Variants in OPN3 observed in about 807,000 individuals in gnomAD.
OPN3 encodes the protein opsin-3.
OPN3 carries 29 observed loss-of-function variants against 33.8 expected under a neutral mutation model. The observed-to-expected ratio is 0.86, with a 90% CI of 0.64 to 1.17. The LOEUF (loss-of-function observed/expected upper bound fraction) is 1.17, where lower values mean the gene tolerates loss of function less well. Among genes scored for constraint, OPN3 ranks in the 50% most tolerant of loss-of-function variants. OPN3 has a pLI of 0.00. For missense variants in OPN3, 437 were observed against 514.1 expected (o/e 0.85, Z 1.45); for synonymous variants, 216 against 216.1 (o/e 1.00, Z 0.00).
chr1:241,600,646 ACCT>A (rs904030923), intron 2 of OPN3: 8 of 152,250 alleles, frequency 5.3e-5, no homozygotes, highest in Middle Eastern at 6.8e-3. Flanking sequence ...GTTATGAGTC[ACCT>A]CTCTCTGAAT....
intron 1 of OPN3, among the ~76,000 whole-genome samples, chr1:241,624,012 C>G (rs1019138721): frequency 6.6e-6 from 1 of 151,898 alleles, no homozygotes; most frequent in Non-Finnish European, 1.5e-5. Flanking sequence ...GCACTCTATG[C>G]TCCAGGCACT....
intron 1 of OPN3, chr1:241,632,158 G>A (rs911313436): frequency 9.2e-5 from 14 of 152,112 alleles, no homozygotes; most frequent in African/African-American, 3.1e-4. Context: ...TAAGTCTCAC[G>A]ATATCTGATG....
At chr1:241,598,892 A>G (rs1663609292) in intron 2 of OPN3, among the ~76,000 whole-genome samples, 1 of 152,168 alleles carries the variant, frequency 6.6e-6, no homozygotes, top group Non-Finnish European at 1.5e-5. Flanking sequence ...TGATTTTTTA[A>G]GTAGTTAGCA....
At chr1:241,628,618 G>A (rs1664493532) in intron 1 of OPN3, among the ~76,000 whole-genome samples, 1 of 152,052 alleles carries the variant, frequency 6.6e-6, no homozygotes, top group African/African-American at 2.4e-5. Context: ...TCATGCTGAT[G>A]TCCTAGAATG....
chr1:241,633,775 G>A, intron 1 of OPN3: 1 of 1,611,636 alleles, frequency 6.2e-7, no homozygotes, highest in Non-Finnish European at 8.5e-7. Context: ...GTCCAAAACA[G>A]CATTTCGAGA....
At chr1:241,601,501 G>A (rs940913287) in intron 2 of OPN3, among the ~76,000 whole-genome samples, 5 of 152,018 alleles carry the variant, frequency 3.3e-5, no homozygotes, top group Non-Finnish European at 5.9e-5. Flanking sequence ...TCAGGAGTTC[G>A]AAACCAGCCT....
chr1:241,634,697 A>G, intron 1 of OPN3: 1 of 1,614,018 alleles, frequency 6.2e-7, no homozygotes, highest in Non-Finnish European at 8.5e-7. Context: ...AGTTGCGTTA[A>G]GACCATCTAT....
intron 3 of OPN3, among the ~76,000 whole-genome samples, chr1:241,596,215 T>A (rs1573948528): frequency 6.6e-6 from 1 of 152,366 alleles, no homozygotes; most frequent in South Asian, 2.1e-4. Context: ...TTTAATTTTG[T>A]CTGTTGAGAG....
rs546228598 is a variant in OPN3 at position 241,633,377 on chromosome 1, G to C, written c.373+6505C>G. The C allele has an allele frequency of 3.3e-4, 54 of 164,942 alleles. 1 individual carries two copies. Among genetic ancestry groups the C allele is most frequent in the African/African-American group, 1.1e-3 (47 of 41,614 alleles). The allele number at this position is 164,942 out of a possible 1,614,324, so 10.2% of individuals were successfully genotyped here. ...ACCATTTGTGTATGTTTCACTATTC[G>C]AACAGGCCGCAGCAACTGTAACAGC... On this transcript the variant is annotated intron_variant, in intron 1 of 3. Coordinates refer to ENST00000366554, the MANE Select transcript of OPN3 (RefSeq NM_014322.3).
At chr1:241,619,102 A>G (rs927665230) in intron 1 of OPN3, among the ~76,000 whole-genome samples, 3 of 152,060 alleles carry the variant, frequency 2.0e-5, no homozygotes, top group Admixed American at 6.5e-5. Context: ...ATCTTTCTAC[A>G]TCAACACTCC....
chr1:241,635,221 A>G, intron 1 of OPN3: 2 of 1,613,518 alleles, frequency 1.2e-6, no homozygotes, highest in Non-Finnish European at 8.5e-7. Flanking sequence ...TTTTATCTCC[A>G]CAATACTTTT....
intron 1 of OPN3, chr1:241,615,737 A>G: frequency 2.4e-6 from 1 of 417,986 alleles, no homozygotes; most frequent in South Asian, 1.7e-5. Flanking sequence ...CCGTGACTCC[A>G]CTCACAAGCT....
In OPN3 at chr1:241,597,782, T is replaced by C; in HGVS notation, c.909A>G (p.Val303=). 2.5e-6 allele frequency: 4 copies of C among 1,613,892 alleles called. No individual in the cohort carries two copies. Among genetic ancestry groups the C allele is most frequent in the Non-Finnish European group, 3.4e-6 (4 of 1,179,954 alleles). ...TGAAGACATAAATCACTGGATTGTA[T>C]ACAGTGTTCGATTTAGCAAAGAGGT... The part of the protein sequence containing the change: ...VSYLFAKSNT[V]YNPVIYVFMI... Residue 303 remains valine (V), a synonymous_variant, in exon 3 of 4, where the codon GTA becomes GTG. Transcript: ENST00000366554.
rs140858921 is a variant in OPN3, at chr1:241,604,220, A to T, written c.693+40T>A. On this transcript the variant is annotated intron_variant, in intron 2 of 3. Transcript: ENST00000366554. ...TTCCAGACAAAATTTTCTACCCTGG[A>T]TGTGGTTTGGGAGGGGGGCATCTGT... is the stretch of plus-strand genomic sequence containing the variant. The T allele has an allele frequency of 3.2e-6, 5 of 1,565,530 alleles. No homozygotes were observed. The East Asian group carries it at 1.1e-4, about 35-fold the overall frequency.
At chr1:241,633,637 G>T in intron 1 of OPN3, 1 of 737,992 alleles carries the variant, frequency 1.4e-6, no homozygotes, top group Non-Finnish European at 2.2e-6. Flanking sequence ...GGTTAACAAA[G>T]ATATTCAATG....
Position 241,593,496 on chromosome 1 carries a change from C to A in OPN3, c.*932G>T. The A allele has an allele frequency of 3.2e-6, 1 of 308,820 alleles. No individual in the cohort carries two copies. The highest frequency in any genetic ancestry group is 7.5e-6 in the Non-Finnish European group (1 of 132,866). The allele number at this position is 308,820 out of a possible 1,614,324, so 19.1% of individuals were successfully genotyped here. ...TTCTTTTCTATATTGTCAATGAAAA[C>A]CTTGAGTTCTAATAATCCATGTTCA... is the stretch of plus-strand genomic sequence containing the variant. On this transcript the variant is annotated 3_prime_UTR_variant, in exon 4 of 4. Transcript: ENST00000366554.
chr1:241,609,430 C>T (rs1663926489), intron 1 of OPN3, among the ~76,000 whole-genome samples: 1 of 152,222 alleles, frequency 6.6e-6, no homozygotes, highest in African/African-American at 2.4e-5. Flanking sequence ...GTGACTTCTA[C>T]CTCTCCACAA....
Position 241,597,756 on chromosome 1 carries a change from A to C in OPN3, c.935T>G (p.Met312Arg). ...AATTGCAAAGCTTACCTTTCTGATCATGAAGACATAAATCACTGGATTGTA... is the reference window on the plus strand; with the variant it reads ...AATTGCAAAGCTTACCTTTCTGATCCTGAAGACATAAATCACTGGATTGTA... The part of the protein sequence containing the change: ...TVYNPVIYVF[M>R]IRKFRRSLLQ... The change falls in exon 3 of 4, where the codon ATG becomes AGG. Residue 312 changes from methionine (M) to arginine (R), a missense_variant. By Grantham distance (91) the Met-to-Arg change is moderately conservative (BLOSUM62 -1). Coordinates refer to ENST00000366554, the MANE Select transcript of OPN3 (RefSeq NM_014322.3). The C allele has an allele frequency of 6.2e-7, 1 of 1,612,712 alleles. No homozygotes were observed. Among genetic ancestry groups the C allele is most frequent in the Non-Finnish European group, 8.5e-7 (1 of 1,179,200 alleles).
intron 1 of OPN3, among the ~76,000 whole-genome samples, chr1:241,618,384 T>C (rs1158969253): frequency 6.6e-6 from 1 of 152,228 alleles, no homozygotes; most frequent in Non-Finnish European, 1.5e-5. Context: ...AGAACGTGAA[T>C]ATCTGTAAGT....
Sources: allele counts gnomAD v4.1 joint callset (sites outside exome capture counted in the v4.1 genomes callset), GRCh38; gene constraint gnomAD v4.1.1; transcripts MANE v1.5; gene names NCBI Gene and HGNC (gene_info 2026-07-23, HGNC 2026-07-21).